PKD1L1: variants seen among roughly 807,000 people sequenced by gnomAD.
PKD1L1 encodes polycystin 1 like 1, transient receptor potential channel interacting, also known as polycystin-1-like protein 1.
PKD1L1 carries 236 observed loss-of-function variants against 323.4 expected under a neutral mutation model. The ratio of observed to expected loss-of-function variants is 0.73; its 90% confidence interval spans 0.66 to 0.81. The LOEUF (loss-of-function observed/expected upper bound fraction) is 0.81. PKD1L1 is among the 40% of genes least tolerant of loss of function. PKD1L1 has a pLI of 0.00. For missense variants in PKD1L1, 3,320 were observed against 3,508.0 expected (o/e 0.95, Z 1.35); for synonymous variants, 1,344 against 1,335.0 (o/e 1.01, Z -0.15).
chr7:47,882,853 C>T (rs1398619012), intron 19 of PKD1L1, among the ~76,000 whole-genome samples: 10 of 152,092 alleles, frequency 6.6e-5, no homozygotes, highest in Non-Finnish European at 1.2e-4. Context: ...GAAGAGTCCT[C>T]TGCCTGTCAT....
At chr7:47,841,327 C>T (rs758229503) in intron 34 of PKD1L1, among the ~76,000 whole-genome samples, 24 of 152,214 alleles carry the variant, frequency 1.6e-4, no homozygotes, top group Non-Finnish European at 3.1e-4. Context: ...CCCTAGAAAT[C>T]CCTCCTCAGT....
intron 7 of PKD1L1, among the ~76,000 whole-genome samples, chr7:47,924,050 G>A (rs944003983): frequency 5.3e-5 from 8 of 151,918 alleles, no homozygotes; most frequent in Admixed American, 3.3e-4. Flanking sequence ...GAACAATGTC[G>A]CAGCCTGATG....
chr7:47,856,491 C>A (rs6947342), intron 28 of PKD1L1, among the ~76,000 whole-genome samples: 2 of 152,018 alleles, frequency 1.3e-5, no homozygotes, highest in Non-Finnish European at 2.9e-5. Context: ...CAAATAAATA[C>A]GACAAGACAT....
chr7:47,871,540 C>T (rs1562966604), intron 24 of PKD1L1, among the ~76,000 whole-genome samples: 2 of 152,136 alleles, frequency 1.3e-5, no homozygotes, highest in Non-Finnish European at 2.9e-5. Flanking sequence ...GAGCAGAACC[C>T]TTATGGCCTA....
upstream of PKD1L1, among the ~76,000 whole-genome samples, chr7:47,951,969 G>A (rs1041701632): frequency 2.6e-5 from 4 of 152,160 alleles, no homozygotes; most frequent in Non-Finnish European, 4.4e-5. Context: ...CTCTTTGGAT[G>A]AGCAGTAGCA....
At chr7:47,880,690 C>T (rs1786533137) in intron 21 of PKD1L1, 38 bp downstream of exon 21, 4 of 1,533,968 alleles carry the variant, frequency 2.6e-6, no homozygotes, top group East Asian at 2.3e-5. Flanking sequence ...AGCAGGACTC[C>T]TCATCCTCTG....
chr7:47,924,338 T>A (rs945487373), intron 7 of PKD1L1, among the ~76,000 whole-genome samples: 1 of 152,212 alleles, frequency 6.6e-6, no homozygotes, highest in African/African-American at 2.4e-5. Context: ...AGTTAGTTCC[T>A]TGGCAGGGAT....
chr7:47,856,198 C>A (rs148509560), intron 28 of PKD1L1, among the ~76,000 whole-genome samples: 1 of 151,984 alleles, frequency 6.6e-6, no homozygotes, highest in African/African-American at 2.4e-5. Context: ...CCACCACACT[C>A]GGCTAATTTT....
chr7:47,794,950 A>C (rs769073470), intron 55 of PKD1L1, among the ~76,000 whole-genome samples: 1 of 152,152 alleles, frequency 6.6e-6, no homozygotes, highest in Non-Finnish European at 1.5e-5. Flanking sequence ...GTATTTACCC[A>C]ATCCCTGTAC....
chr7:47,796,199 T>A, intron 54 of PKD1L1, 49 bp from the exon 55 acceptor site: 3 of 1,449,374 alleles, frequency 2.1e-6, no homozygotes, highest in East Asian at 2.3e-5. Flanking sequence ...GCAGCCTAAA[T>A]AAAGAGCTTT....
chr7:47,878,499 A>C (rs1444422061), intron 21 of PKD1L1, among the ~76,000 whole-genome samples: 1 of 152,214 alleles, frequency 6.6e-6, no homozygotes, highest in Non-Finnish European at 1.5e-5. Context: ...TCTGCTACAC[A>C]CCAGGTGCCC....
intron 49 of PKD1L1, 87 bp downstream of exon 49, chr7:47,813,034 G>C: frequency 6.7e-7 from 1 of 1,497,886 alleles, no homozygotes; most frequent in South Asian, 1.3e-5. Flanking sequence ...GGCTGCACCT[G>C]CTGCAGATGC....
At chr7:47,845,203 T>G (rs1785640930) in intron 32 of PKD1L1, 125 bp from the exon 33 acceptor site, 1 of 713,722 alleles carries the variant, frequency 1.4e-6, no homozygotes, top group Non-Finnish European at 2.2e-6. Context: ...ACTTTATGAC[T>G]AAGACCCAGT....
At chr7:47,806,964 C>A (rs1281523604) in intron 52 of PKD1L1, among the ~76,000 whole-genome samples, 5 of 152,090 alleles carry the variant, frequency 3.3e-5, no homozygotes, top group Non-Finnish European at 7.3e-5. Flanking sequence ...GGGACACACA[C>A]AGACAGGATT....
chr7:47,902,523 G>A lies in PKD1L1; in HGVS notation c.1932-12C>T. 1 of 1,612,422 alleles carries A rather than the reference G, an allele frequency of 6.2e-7. No individual in the cohort carries two copies. Among genetic ancestry groups the A allele is most frequent in the African/African-American group, 1.3e-5 (1 of 74,930 alleles). On this transcript the variant is annotated splice_polypyrimidine_tract_variant and intron_variant, in intron 12 of 56. Transcript: ENST00000289672. ...TAAATTCTCCTTCCCTGGGACGGTGGAAAGCACAGAAATGAACAAATTTAT... is the reference window on the plus strand; with the variant it reads ...TAAATTCTCCTTCCCTGGGACGGTGAAAAGCACAGAAATGAACAAATTTAT...
At chr7:47,866,671 CCTGA>C in intron 24 of PKD1L1, 57 bp from the exon 25 acceptor site, 1 of 1,435,306 alleles carries the variant, frequency 7.0e-7, no homozygotes, top group Non-Finnish European at 9.5e-7. Flanking sequence ...AACTTTTCAC[CCTGA>C]CTACCAAGAG....
At chr7:47,831,455 T>C (rs1012590584) in intron 41 of PKD1L1, 103 bp from the exon 42 acceptor site, 31 of 1,429,014 alleles carry the variant, frequency 2.2e-5, no homozygotes, top group Non-Finnish European at 2.8e-5. Flanking sequence ...GGCTGGGTCG[T>C]AGGGTGCCCA....
chr7:47,885,942 T>C lies in PKD1L1; in HGVS notation c.2949A>G (p.Ala983=). The change falls in exon 18 of 57, where the codon GCA becomes GCG. Residue 983 remains alanine, a synonymous_variant. Transcript: ENST00000289672. ...PTEPGTADPD[A]TTTPFSREPS... ...GTTCCCGTGAGAATGGTGTGGTCGT[T>C]GCATCAGGATCTGCAGTGCCAGGCT... 1 of 1,614,144 alleles carries C rather than the reference T, an allele frequency of 6.2e-7. No individual in the cohort carries two copies. Among genetic ancestry groups the C allele is most frequent in the Non-Finnish European group, 8.5e-7 (1 of 1,180,028 alleles).
chr7:47,787,857 G>A (rs1786846515), intron 56 of PKD1L1, among the ~76,000 whole-genome samples: 1 of 152,088 alleles, frequency 6.6e-6, no homozygotes, highest in African/African-American at 2.4e-5. Context: ...GACTAGAGGT[G>A]TGTGCCACCA....
Sources: gnomAD v4.1 joint callset for allele counts (sites outside exome capture counted in the v4.1 genomes callset) on GRCh38, gnomAD v4.1.1 for gene constraint, MANE v1.5 for transcripts, NCBI Gene and HGNC (gene_info 2026-07-23, HGNC 2026-07-21) for gene names.